The following GGNBP2 variants were observed in gnomAD, a reference collection of about 807,000 sequenced individuals.
The protein encoded by GGNBP2 is gametogenetin binding protein 2.
Under a neutral mutation model 85.9 loss-of-function variants are expected in GGNBP2, and 10 were observed. The ratio of observed to expected loss-of-function variants is 0.12; its 90% CI spans 0.07 to 0.20. GGNBP2 has a LOEUF of 0.20. GGNBP2 is among the 10% of genes least tolerant of loss of function. The pLI is 1.00. For missense variants in GGNBP2, 595 were observed against 857.8 expected (o/e 0.69, Z 3.83); for synonymous variants, 287 against 285.7 (o/e 1.00, Z -0.05).
intron 9 of GGNBP2, among the ~76,000 whole-genome samples, chr17:36,582,658 G>A (rs1352029665): frequency 2.6e-5 from 4 of 152,102 alleles, no homozygotes; most frequent in African/African-American, 9.7e-5. Context: ...GTCTGTATAA[G>A]CCAGAATTTT....
chr17:36,558,679 C>T lies in GGNBP2; in HGVS notation c.428+1343C>T, dbSNP rs565474116. On this transcript the variant is annotated intron_variant, in intron 4 of 13. Transcript: ENST00000613102. The stretch of plus-strand genomic sequence containing the variant: ...CTATGTTGGCCATGTTGGTCTTGAA[C>T]TCCTGACCTCAGGCGATCTGCCCGC... Among the ~76,000 whole-genome samples, 12 of 151,656 alleles carry T rather than the reference C, an allele frequency of 7.9e-5. No homozygotes were observed. The South Asian group carries it at 2.1e-3, about 26-fold the overall frequency.
At chr17:36,545,379 C>T (rs1599487260) in intron 1 of GGNBP2, 2 of 256,954 alleles carry the variant, frequency 7.8e-6, no homozygotes, top group Admixed American at 7.2e-5. Context: ...TTCCGCCTCT[C>T]CTTTGGACCC....
In GGNBP2 at chr17:36,587,207, G is replaced by A. The variant is rs568125729; in HGVS notation, c.1852G>A (p.Asp618Asn). ...AEPTETLFGP[D>N]SGKGAKSLVE... ...ACCTACAGAAACGTTGTTTGGTCCC[G>A]ATTCCGGAAAAGGTGCCAAGAGCTT... Residue 618 changes from aspartate to asparagine, a missense_variant, in exon 13 of 14, where the codon GAT (aspartate) becomes AAT (asparagine). Transcript: ENST00000613102. 6.8e-6 allele frequency: 11 copies of A among 1,614,158 alleles called. No individual in the cohort carries two copies. The highest frequency in any genetic ancestry group is 5.5e-5 in the South Asian group (5 of 91,078).
intron 4 of GGNBP2, among the ~76,000 whole-genome samples, chr17:36,558,339 C>T (rs530621772): frequency 3.9e-5 from 5 of 129,194 alleles, no homozygotes; most frequent in South Asian, 2.8e-4. Flanking sequence ...CTCTTGAACC[C>T]GGGAGGCGGC....
chr17:36,575,360 T>C (rs1054959926), intron 6 of GGNBP2: 1 of 351,546 alleles, frequency 2.8e-6, no homozygotes, highest in Non-Finnish European at 5.4e-6. Context: ...TATTTTTGTT[T>C]TTGTTGTGCA....
chr17:36,547,456 A>G (rs1353367630), intron 2 of GGNBP2: 2 of 152,184 alleles, frequency 1.3e-5, no homozygotes, highest in Admixed American at 6.5e-5. Context: ...AAACCAACAT[A>G]AATAGTCTTC....
chr17:36,576,802 G>A (rs2074596205), intron 6 of GGNBP2: 2 of 151,482 alleles, frequency 1.3e-5, no homozygotes, highest in Non-Finnish European at 2.9e-5. Context: ...GGAGAAGTTG[G>A]AATTAACTCA....
chr17:36,547,474 A>G (rs1259187518), intron 2 of GGNBP2: 3 of 152,262 alleles, frequency 2.0e-5, no homozygotes, highest in African/African-American at 7.2e-5. Context: ...TTCAAAAGAC[A>G]CTAGTTCTTG....
chr17:36,575,640 A>ATTT (rs1247915817), intron 6 of GGNBP2, among the ~76,000 whole-genome samples: 18 of 50,062 alleles, frequency 3.6e-4, no homozygotes, highest in East Asian at 1.4e-3. Flanking sequence ...ATATATATAT[A>ATTT]TATATATATT....
chr17:36,587,271 T>A (rs1338655982), intron 13 of GGNBP2, 26 bp downstream of exon 13: 1 of 1,609,456 alleles, frequency 6.2e-7, no homozygotes, highest in South Asian at 1.1e-5. Flanking sequence ...GGTCTTACTG[T>A]ACATAACTGT....
intron 6 of GGNBP2, among the ~76,000 whole-genome samples, chr17:36,571,888 A>G (rs1702130126): frequency 6.6e-6 from 1 of 151,688 alleles, no homozygotes; most frequent in Non-Finnish European, 1.5e-5. Flanking sequence ...AAATATAAAA[A>G]CAAAATAAAA....
At chr17:36,558,038 G>A (rs2074380017) in intron 4 of GGNBP2, among the ~76,000 whole-genome samples, 1 of 152,048 alleles carries the variant, frequency 6.6e-6, no homozygotes, top group African/African-American at 2.4e-5. Flanking sequence ...CTTGAACCCA[G>A]GAGGCAGAGG....
At chr17:36,559,417 T>C (rs2074396006) in intron 4 of GGNBP2, among the ~76,000 whole-genome samples, 1 of 152,008 alleles carries the variant, frequency 6.6e-6, no homozygotes, top group African/African-American at 2.4e-5. Flanking sequence ...AGATAGCGAT[T>C]AGACATCCAA....
chr17:36,566,108 T>C (rs1417442339), intron 5 of GGNBP2, among the ~76,000 whole-genome samples: 1 of 152,140 alleles, frequency 6.6e-6, no homozygotes, highest in African/African-American at 2.4e-5. Context: ...GTTCAGAGGT[T>C]TTTCCGTCTC....
In GGNBP2 at chr17:36,549,613, A is replaced by G. The variant is rs534710793; in HGVS notation, c.93+3796A>G. 4.6e-5 allele frequency among the ~76,000 whole-genome samples: 6 copies of G among 129,426 alleles called. No homozygotes were observed. In the South Asian group the frequency reaches 1.4e-3, roughly 31 times the overall value. The allele number at this position is 129,426 out of a possible 152,430, so 84.9% of individuals were successfully genotyped here. On this transcript the variant is annotated intron_variant, in intron 2 of 13. Coordinates refer to ENST00000613102, the MANE Select transcript of GGNBP2 (RefSeq NM_024835.5). ...TTGGTGTAATTTCAGTCCTAGACAC[A>G]CAGATACAGTTAATATATTCTGTAA...
chr17:36,576,522 C>G (rs1186911752), intron 6 of GGNBP2: 3 of 108,712 alleles, frequency 2.8e-5, no homozygotes, highest in South Asian at 6.5e-4. Flanking sequence ...CCACTGCACT[C>G]CAGCCTGGGC....
At position 36,551,822 on chromosome 17, in the gene GGNBP2, C is replaced by G. The variant is rs1276829564; in HGVS notation, c.94-2998C>G. 2.6e-5 allele frequency among the ~76,000 whole-genome samples: 4 copies of G among 151,724 alleles called. No homozygotes were observed. In the East Asian group the frequency reaches 7.8e-4, roughly 30 times the overall value. ...CCAGCCTAGGCAACAGAGTTGAGACCCTGTCTCAAAAAAAAAATTTTACAA... is the reference window on the plus strand; with the variant it reads ...CCAGCCTAGGCAACAGAGTTGAGACGCTGTCTCAAAAAAAAAATTTTACAA... On this transcript the variant is annotated intron_variant, in intron 2 of 13. Coordinates refer to ENST00000613102, the MANE Select transcript of GGNBP2 (RefSeq NM_024835.5).
intron 4 of GGNBP2, 64 bp from the exon 5 acceptor site, chr17:36,560,709 A>G: frequency 2.1e-6 from 2 of 943,082 alleles, no homozygotes; most frequent in East Asian, 2.6e-5. Context: ...AAGACAGTAA[A>G]TAGAGATTTT....
In GGNBP2 at chr17:36,575,893, C is replaced by T. The variant is rs542428294; in HGVS notation, c.642-2090C>T. On this transcript the variant is annotated intron_variant, in intron 6 of 13. Transcript: ENST00000613102. Reference sequence around the variant, plus strand: ...AACTCCTGAGCTCAGATGATCCACCCGCCTTTGCCTCCCAAAGGGCTGGGA... The same window carrying T: ...AACTCCTGAGCTCAGATGATCCACCTGCCTTTGCCTCCCAAAGGGCTGGGA... Among the ~76,000 whole-genome samples, 15 of 150,742 alleles carry T rather than the reference C, an allele frequency of 1.0e-4. No individual in the cohort carries two copies. The South Asian group carries it at 1.1e-3, about 11-fold the overall frequency.
Sources: allele counts gnomAD v4.1 joint callset (sites outside exome capture counted in the v4.1 genomes callset), GRCh38; gene constraint gnomAD v4.1.1; transcripts MANE v1.5; gene names NCBI Gene and HGNC (gene_info 2026-07-23, HGNC 2026-07-21).